KIF6: variants seen among roughly 807,000 people sequenced by gnomAD.
KIF6 encodes kinesin-like protein KIF6.
In KIF6, 106 loss-of-function variants were observed where a neutral mutation model predicts 112.7. That is an observed-to-expected ratio of 0.94 (90% confidence interval 0.80 to 1.11). The LOEUF (loss-of-function observed/expected upper bound fraction) is 1.11, where lower values mean the gene tolerates loss of function less well. KIF6 is among the 50% of genes least tolerant of loss of function. The pLI, the probability that KIF6 is intolerant of heterozygous loss-of-function variation, is 0.00. For synonymous variants in KIF6, 339 were observed against 339.9 expected (o/e 1.00, Z 0.03); for missense variants, 929 against 964.0 (o/e 0.96, Z 0.48).
At chr6:39,598,648 A>C (rs981178649) in intron 6 of KIF6, among the ~76,000 whole-genome samples, 4 of 151,806 alleles carry the variant, frequency 2.6e-5, no homozygotes, top group Non-Finnish European at 5.9e-5. Context: ...ATATGCGATA[A>C]GGACATATAT....
At chr6:39,388,373 T>G (rs151276897) in intron 15 of KIF6, among the ~76,000 whole-genome samples, 85 of 152,174 alleles carry the variant, frequency 5.6e-4, no homozygotes, top group African/African-American at 1.7e-3. Context: ...GAGGGGATTT[T>G]GCCACCACAA....
intron 10 of KIF6, among the ~76,000 whole-genome samples, chr6:39,559,291 A>T (rs1350983963): frequency 4.6e-5 from 7 of 150,956 alleles, no homozygotes; most frequent in African/African-American, 1.2e-4. Flanking sequence ...AATCTGCTAA[A>T]TTTTTTTTTT....
At chr6:39,687,174 GACAATGA>G (rs2113791225) in intron 3 of KIF6, among the ~76,000 whole-genome samples, 1 of 152,238 alleles carries the variant, frequency 6.6e-6, no homozygotes, top group South Asian at 2.1e-4. Context: ...GAATATGGAA[GACAATGA>G]ACAATGAATA....
intron 13 of KIF6, among the ~76,000 whole-genome samples, chr6:39,479,021 T>C (rs1774628183): frequency 6.6e-6 from 1 of 152,214 alleles, no homozygotes; most frequent in Admixed American, 6.5e-5. Context: ...GATGTATAGA[T>C]TGTGAAAACT....
At chr6:39,704,194 C>G (rs758905939) in intron 3 of KIF6, among the ~76,000 whole-genome samples, 2 of 152,152 alleles carry the variant, frequency 1.3e-5, no homozygotes, top group African/African-American at 4.8e-5. Flanking sequence ...AGCTAATACT[C>G]ATTGAGCATG....
chr6:39,486,277 T>C (rs770296059), intron 13 of KIF6, among the ~76,000 whole-genome samples: 2 of 152,278 alleles, frequency 1.3e-5, no homozygotes, highest in Non-Finnish European at 2.9e-5. Context: ...ATGGTCTGAC[T>C]ACCCTGCTGG....
chr6:39,486,859 T>C (rs1296760903), intron 13 of KIF6, among the ~76,000 whole-genome samples: 1 of 152,178 alleles, frequency 6.6e-6, no homozygotes, highest in Non-Finnish European at 1.5e-5. Flanking sequence ...TATCTGAATA[T>C]TCACTTTGAA....
intron 14 of KIF6, among the ~76,000 whole-genome samples, chr6:39,426,522 G>T (rs1011554097): frequency 7.9e-5 from 12 of 152,176 alleles, no homozygotes; most frequent in South Asian, 2.1e-4. Context: ...GGCCCAGGGA[G>T]GGGGGAGGAT....
intron 16 of KIF6, among the ~76,000 whole-genome samples, chr6:39,373,422 T>A (rs531132725): frequency 6.6e-6 from 1 of 152,088 alleles, no homozygotes; most frequent in East Asian, 1.9e-4. Flanking sequence ...TGGCAAGGAG[T>A]CTGAAATTGT....
intron 13 of KIF6, among the ~76,000 whole-genome samples, chr6:39,480,186 T>G (rs1193257748): frequency 6.6e-6 from 1 of 152,180 alleles, no homozygotes; most frequent in Non-Finnish European, 1.5e-5. Flanking sequence ...TGGCTGTGGG[T>G]TTGTCATGGA....
At chr6:39,617,326 G>C (rs1471080326) in intron 5 of KIF6, among the ~76,000 whole-genome samples, 1 of 152,146 alleles carries the variant, frequency 6.6e-6, no homozygotes, top group Admixed American at 6.5e-5. Flanking sequence ...CACATATAAA[G>C]AGCAATAGGC....
chr6:39,536,870 A>G (rs1778461994), intron 13 of KIF6, among the ~76,000 whole-genome samples: 1 of 152,228 alleles, frequency 6.6e-6, no homozygotes, highest in Non-Finnish European at 1.5e-5. Flanking sequence ...ATCCACCATG[A>G]TCGAGTGGGC....
At chr6:39,437,997 G>C (rs1771655552) in intron 13 of KIF6, among the ~76,000 whole-genome samples, 1 of 151,948 alleles carries the variant, frequency 6.6e-6, no homozygotes, top group Admixed American at 6.6e-5. Context: ...TTATTTTTGA[G>C]ACAGAGTGTC....
At chr6:39,356,802 C>A (rs1266688690) in intron 19 of KIF6, among the ~76,000 whole-genome samples, 1 of 152,120 alleles carries the variant, frequency 6.6e-6, no homozygotes, top group Non-Finnish European at 1.5e-5. Flanking sequence ...TGCTGGTCAT[C>A]CCATCATGTA....
Position 39,704,788 on chromosome 6 carries a change from G to A in KIF6, c.251+9904C>T, listed in dbSNP as rs562502566. On this transcript the variant is annotated intron_variant, in intron 3 of 22. Transcript: ENST00000287152. ...CCCCAATTATATCTTTAGAGAAAAT[G>A]TTCAGCTTTCTGAAAATAATCTGTT... 9.4e-4 allele frequency among the ~76,000 whole-genome samples: 143 copies of A among 152,280 alleles called. 1 individual carries two copies. The highest frequency in any genetic ancestry group is 3.1e-3 in the African/African-American group (130 of 41,544).
At chr6:39,486,140 G>T (rs1196440112) in intron 13 of KIF6, among the ~76,000 whole-genome samples, 1 of 152,214 alleles carries the variant, frequency 6.6e-6, no homozygotes, top group Non-Finnish European at 1.5e-5. Flanking sequence ...CTGAATCCAA[G>T]TTGGCCTGAG....
intron 13 of KIF6, among the ~76,000 whole-genome samples, chr6:39,474,433 A>G (rs1001467297): frequency 1.3e-5 from 2 of 152,240 alleles, no homozygotes; most frequent in African/African-American, 4.8e-5. Flanking sequence ...TTCTTAGTTG[A>G]GAGGTCTGTT....
chr6:39,533,950 A>G (rs546392706), intron 13 of KIF6, among the ~76,000 whole-genome samples: 1 of 152,368 alleles, frequency 6.6e-6, no homozygotes, highest in African/African-American at 2.4e-5. Context: ...CCAGGCAGAT[A>G]GGGTCTGGAG....
At chr6:39,582,937 G>A (rs943120568) in intron 9 of KIF6, among the ~76,000 whole-genome samples, 4 of 152,124 alleles carry the variant, frequency 2.6e-5, no homozygotes, top group African/African-American at 9.7e-5. Flanking sequence ...AAGAGACCAG[G>A]AAACAACACT....
Sources: allele counts gnomAD v4.1 joint callset (sites outside exome capture counted in the v4.1 genomes callset), GRCh38; gene constraint gnomAD v4.1.1; transcripts MANE v1.5; gene names NCBI Gene and HGNC (gene_info 2026-07-23, HGNC 2026-07-21).